The following RNF17 variants were observed in gnomAD, a reference collection of about 807,000 sequenced individuals.
RNF17 encodes spermatogenesis associated 23.
RNF17 carries 31 observed loss-of-function variants against 200.5 expected under a neutral mutation model. That is an observed-to-expected ratio of 0.15 (90% CI 0.12 to 0.21). The LOEUF (loss-of-function observed/expected upper bound fraction) is 0.21. RNF17 is among the 10% of genes least tolerant of loss of function. The pLI is 1.00. For missense variants in RNF17, 1,628 were observed against 1,905.1 expected, an observed-to-expected ratio of 0.85 and a Z score of 2.71; for synonymous variants, 606 against 637.8, an observed-to-expected ratio of 0.95 and a Z score of 0.75.
the RNF17 span, chr13:24,886,107 A>C: frequency 2.5e-6 from 1 of 392,270 alleles, no homozygotes; most frequent in South Asian, 1.9e-5. Flanking sequence ...CTGTACCAGC[A>C]ACATATACAT....
In RNF17 at chr13:24,876,993, A is replaced by T; in HGVS notation, c.4584-4A>T. The T allele has an allele frequency of 6.3e-7, 1 of 1,582,428 alleles. No homozygotes were observed. The highest frequency in any genetic ancestry group is 8.6e-7 in the Non-Finnish European group (1 of 1,169,234). Reference sequence around the variant, plus strand: ...TTTTAATGTAAGAATTTCTTTTGTGACAGACTGTGCCAAATTCCTTCTCAT... The same window carrying T: ...TTTTAATGTAAGAATTTCTTTTGTGTCAGACTGTGCCAAATTCCTTCTCAT... On this transcript the variant is annotated splice_region_variant and splice_polypyrimidine_tract_variant and intron_variant, in intron 33 of 35. Transcript: ENST00000255324.
chr13:24,768,385 A>G lies in RNF17; in HGVS notation c.225+1019A>G, dbSNP rs531221446. ...CTGCAACCTCCGCCTCCCAGGTCCA[A>G]GTGATTTTCCTGCCTCAGCCTCCCA... On this transcript the variant is annotated intron_variant, in intron 2 of 35. Coordinates refer to ENST00000255324, the MANE Select transcript of RNF17 (RefSeq NM_031277.3). Among the ~76,000 whole-genome samples, 12 of 151,348 alleles carry G rather than the reference A, an allele frequency of 7.9e-5. No homozygotes were observed. In the South Asian group the frequency reaches 2.5e-3, roughly 32 times the overall value.
intron 30 of RNF17, 36 bp from the exon 31 acceptor site, chr13:24,868,564 T>C: frequency 9.1e-7 from 1 of 1,104,804 alleles, no homozygotes; most frequent in Non-Finnish European, 1.4e-6. Flanking sequence ...ATTTTTGTCC[T>C]TATTCTGAAA....
At chr13:24,768,397 G>GC (rs1199277510) in intron 2 of RNF17, among the ~76,000 whole-genome samples, 1 of 150,052 alleles carries the variant, frequency 6.7e-6, no homozygotes, top group Non-Finnish European at 1.5e-5. Context: ...TGATTTTCCT[G>GC]CCTCAGCCTC....
At chr13:24,790,114 T>C (rs997836649) in intron 9 of RNF17, among the ~76,000 whole-genome samples, 1 of 152,102 alleles carries the variant, frequency 6.6e-6, no homozygotes, top group African/African-American at 2.4e-5. Context: ...GCTAGGGTAA[T>C]GTATGCAGAA....
At chr13:24,864,487 C>G (rs1400392857) in intron 28 of RNF17, among the ~76,000 whole-genome samples, 1 of 152,122 alleles carries the variant, frequency 6.6e-6, no homozygotes. Context: ...TGTTTCGAGT[C>G]CCACCAATTT....
intron 15 of RNF17, among the ~76,000 whole-genome samples, chr13:24,822,041 G>A (rs1018706243): frequency 1.3e-5 from 2 of 152,136 alleles, no homozygotes; most frequent in African/African-American, 4.8e-5. Context: ...TGGATGTGCC[G>A]GATTTTGTAG....
In RNF17 at chr13:24,773,519, C is replaced by T. The variant is rs369923534; in HGVS notation, c.226-1294C>T. Among the ~76,000 whole-genome samples the T allele has an allele frequency of 2.2e-4, 33 of 152,146 alleles. No homozygotes were observed. The East Asian group carries it at 5.8e-3, about 27-fold the overall frequency. ...AACATTGGCCACACGTGGACATAAA[C>T]GTGGAAACAGTAGACACTGGGGACT... On this transcript the variant is annotated intron_variant, in intron 2 of 35. Transcript: ENST00000255324.
chr13:24,782,478 G>T (rs139125471), intron 6 of RNF17, among the ~76,000 whole-genome samples: 1 of 152,054 alleles, frequency 6.6e-6, no homozygotes, highest in African/African-American at 2.4e-5. Flanking sequence ...GATTACAGGT[G>T]TACATAACGG....
intron 31 of RNF17, among the ~76,000 whole-genome samples, chr13:24,870,196 C>G (rs144378614): frequency 0.062 from 9,407 of 152,024 alleles, 413 homozygotes; most frequent in East Asian, 0.16. Context: ...GTCACCCTGC[C>G]GCGGCCTCCA....
At chr13:24,826,077 C>T in intron 16 of RNF17, 2 of 985,016 alleles carry the variant, frequency 2.0e-6, no homozygotes, top group Non-Finnish European at 2.4e-6. Flanking sequence ...TTTGTCTGTC[C>T]CATGCTATTT....
chr13:24,776,264 CAG>C (rs1289402365), intron 3 of RNF17, among the ~76,000 whole-genome samples: 2 of 152,156 alleles, frequency 1.3e-5, no homozygotes, highest in African/African-American at 4.8e-5. Flanking sequence ...AGCTCCTTGT[CAG>C]ACTCTTCCTT....
At chr13:24,759,079 CAAAAAAA>C in the RNF17 span, among the ~76,000 whole-genome samples, 618 of 65,388 alleles carry the variant, frequency 9.5e-3, 7 homozygotes, top group African/African-American at 0.037. Context: ...ACTGTGTCTC[CAAAAAAA>C]AAAAAAAAAA....
intron 16 of RNF17, among the ~76,000 whole-genome samples, chr13:24,829,999 T>A (rs2138013766): frequency 6.6e-6 from 1 of 152,312 alleles, no homozygotes. Flanking sequence ...TTGTGCTTTT[T>A]AAATAGGCGA....
At position 24,774,820 on chromosome 13, in the gene RNF17, C is replaced by T. The variant is rs1222290608; in HGVS notation, c.233C>T (p.Thr78Ile). The T allele has an allele frequency of 1.2e-6, 2 of 1,606,258 alleles. No individual in the cohort carries two copies. The highest frequency in any genetic ancestry group is 1.1e-5 in the South Asian group (1 of 89,978). Reference protein sequence around the residue: ...TIICPDCEVATAVNTRQRYYP... With the variant: ...TIICPDCEVAIAVNTRQRYYP... ...ACCTTATTTTGTCCTAAGGTTGCTA[C>T]AGCTGTAAATACTAGACAACGCTAC... is the stretch of plus-strand genomic sequence containing the variant. Residue 78 changes from threonine to isoleucine, a missense_variant, in exon 3 of 36, where the codon ACA (threonine) becomes ATA (isoleucine). Physicochemically the swap from Thr to Ile is moderately conservative, Grantham distance 89. Coordinates refer to ENST00000255324, the MANE Select transcript of RNF17 (RefSeq NM_031277.3).
chr13:24,839,075 G>C (rs559035292), intron 18 of RNF17, among the ~76,000 whole-genome samples: 253 of 151,940 alleles, frequency 1.7e-3, no homozygotes, highest in African/African-American at 5.7e-3. Flanking sequence ...TTTTACAATA[G>C]CTGCAAAAAA....
intron 10 of RNF17, among the ~76,000 whole-genome samples, chr13:24,794,992 T>C (rs1460881215): frequency 6.6e-6 from 1 of 152,220 alleles, no homozygotes; most frequent in Non-Finnish European, 1.5e-5. Context: ...GTGCCGGGAT[T>C]ATAGGCGTGA....
At chr13:24,881,925 G>T (rs1299866475), downstream of RNF17, among the ~76,000 whole-genome samples, 1 of 72,024 alleles carries the variant, frequency 1.4e-5, no homozygotes, top group African/African-American at 3.8e-5. Flanking sequence ...CATCTATATA[G>T]ATATATAGAT....
At position 24,843,969 on chromosome 13, in the gene RNF17, T is replaced by C. The variant is rs2138146240; in HGVS notation, c.2829T>C (p.Asn943=). 1 of 1,061,468 alleles carries C rather than the reference T, an allele frequency of 9.4e-7. No individual in the cohort carries two copies. The allele number at this position is 1,061,468 out of a possible 1,614,324, so 65.8% of individuals were successfully genotyped here. Residue 943 remains asparagine, a splice_region_variant and synonymous_variant, in exon 20 of 36, where the codon AAT becomes AAC. Coordinates refer to ENST00000255324, the MANE Select transcript of RNF17 (RefSeq NM_031277.3). ...GGTTGTTAACTGAAAACTTACTTAA[T>C]AGGTATAATATATATATATAATATA... ...VQWLLTENLL[N]SLEEKMIAAY...
Sources: allele counts gnomAD v4.1 joint callset (sites outside exome capture counted in the v4.1 genomes callset), GRCh38; gene constraint gnomAD v4.1.1; transcripts MANE v1.5; gene names NCBI Gene and HGNC (gene_info 2026-07-23, HGNC 2026-07-21).